Variants in CSMD3 observed in about 807,000 individuals in gnomAD.
CSMD3 encodes the protein CUB and sushi domain-containing protein 3.
A neutral mutation model predicts 435.2 loss-of-function variants in CSMD3; 177 were observed. The observed-to-expected ratio is 0.41, with a 90% CI of 0.36 to 0.46. The LOEUF (loss-of-function observed/expected upper bound fraction) is 0.46, where lower values mean the gene tolerates loss of function less well. Ranked by LOEUF, CSMD3 falls within the 20% of genes least tolerant of loss-of-function variation. The pLI, the probability that CSMD3 is intolerant of heterozygous loss-of-function variation, is 0.34. For synonymous variants in CSMD3, 1,656 were observed against 1,520.5 expected, an observed-to-expected ratio of 1.09 and a Z score of -2.07; for missense variants, 4,265 against 4,504.6, an observed-to-expected ratio of 0.95 and a Z score of 1.52.
At chr8:112,859,310 G>A (rs2129863277) in intron 10 of CSMD3, 44 bp from the exon 11 acceptor site, 1 of 1,541,340 alleles carries the variant, frequency 6.5e-7, no homozygotes, top group Non-Finnish European at 9.0e-7. Flanking sequence ...TATGTCACAT[G>A]TAAAATTACA....
chr8:112,649,183 T>A (rs2075059315), intron 19 of CSMD3, among the ~76,000 whole-genome samples: 1 of 152,230 alleles, frequency 6.6e-6, no homozygotes, highest in African/African-American at 2.4e-5. Flanking sequence ...TTATGCTTCT[T>A]ATTAGCAATG....
chr8:112,832,174 A>C (rs1229902667), intron 11 of CSMD3, among the ~76,000 whole-genome samples: 1 of 152,172 alleles, frequency 6.6e-6, no homozygotes, highest in Non-Finnish European at 1.5e-5. Flanking sequence ...TTGTGAATTG[A>C]CTTTTACAGA....
intron 3 of CSMD3, among the ~76,000 whole-genome samples, chr8:113,219,029 C>T (rs570916331): frequency 1.3e-5 from 2 of 151,280 alleles, no homozygotes; most frequent in Admixed American, 6.6e-5. Context: ...AAACCCAACA[C>T]TCAGTTTAAA....
intron 6 of CSMD3, among the ~76,000 whole-genome samples, chr8:112,999,832 A>G (rs555445696): frequency 6.6e-6 from 1 of 152,152 alleles, no homozygotes; most frequent in Non-Finnish European, 1.5e-5. Flanking sequence ...GAGAAAAAAA[A>G]AGGTCATTTG....
At chr8:112,314,645 T>C (rs764849012) in intron 47 of CSMD3, 28 bp from the exon 48 acceptor site, 2 of 1,541,054 alleles carry the variant, frequency 1.3e-6, no homozygotes, top group Non-Finnish European at 1.8e-6. Flanking sequence ...CATTAAATAA[T>C]GCCAGTCTTT....
At chr8:112,971,868 A>C (rs1384976751) in intron 7 of CSMD3, among the ~76,000 whole-genome samples, 1 of 152,148 alleles carries the variant, frequency 6.6e-6, no homozygotes, top group African/African-American at 2.4e-5. Context: ...AAAAATTTTA[A>C]GATAATTTAA....
At chr8:112,852,601 G>A (rs1310197606) in intron 11 of CSMD3, among the ~76,000 whole-genome samples, 3 of 152,004 alleles carry the variant, frequency 2.0e-5, no homozygotes, top group Admixed American at 1.3e-4. Flanking sequence ...ACACTCACAC[G>A]AGATAGAGTT....
intron 31 of CSMD3, among the ~76,000 whole-genome samples, chr8:112,484,882 C>T (rs372646085): frequency 7.3e-5 from 11 of 151,708 alleles, no homozygotes; most frequent in East Asian, 3.9e-4. Flanking sequence ...TTCCAATATC[C>T]GAAAAAAATC....
intron 1 of CSMD3, among the ~76,000 whole-genome samples, chr8:113,431,729 G>A (rs1169208995): frequency 6.7e-6 from 1 of 150,034 alleles, no homozygotes; most frequent in East Asian, 2.0e-4. Flanking sequence ...TTTTTTTTCC[G>A]CACATGAGTA....
At chr8:112,694,522 G>T (rs1174130338) in intron 13 of CSMD3, among the ~76,000 whole-genome samples, 1 of 151,540 alleles carries the variant, frequency 6.6e-6, no homozygotes, top group African/African-American at 2.4e-5. Flanking sequence ...TTTTTTCTTT[G>T]CTCCATTAAT....
intron 1 of CSMD3, among the ~76,000 whole-genome samples, chr8:113,353,306 A>G (rs915246999): frequency 4.7e-5 from 7 of 150,022 alleles, no homozygotes; most frequent in Non-Finnish European, 7.5e-5. Flanking sequence ...TGGCCTACTC[A>G]TATTTTTTTA....
At chr8:113,165,159 C>T (rs2092125580) in intron 4 of CSMD3, among the ~76,000 whole-genome samples, 1 of 152,152 alleles carries the variant, frequency 6.6e-6, no homozygotes, top group South Asian at 2.1e-4. Flanking sequence ...CTTGGCTAAG[C>T]ATGCCCCATC....
At position 113,139,088 on chromosome 8, in the gene CSMD3, AC is replaced by A. The variant is rs2091486311; in HGVS notation, c.709+34633del. Among the ~76,000 whole-genome samples the A allele has an allele frequency of 2.0e-5, 3 of 150,944 alleles. No homozygotes were observed. The Admixed American group carries it at 2.0e-4, about 10-fold the overall frequency. On this transcript the variant is annotated intron_variant, in intron 4 of 70. Coordinates refer to ENST00000297405, the MANE Select transcript of CSMD3 (RefSeq NM_198123.2). ...AAAGAAGGAATGAGTGAGTTGGAAA[AC>A]AAACAAAAAAAATCACACAATCTGA...
At chr8:112,436,474 AG>A (rs1814363549) in intron 32 of CSMD3, among the ~76,000 whole-genome samples, 1 of 151,874 alleles carries the variant, frequency 6.6e-6, no homozygotes, top group Non-Finnish European at 1.5e-5. Context: ...AAATATTGAT[AG>A]TACTATATAC....
At chr8:112,815,456 G>T (rs1486165194) in intron 12 of CSMD3, among the ~76,000 whole-genome samples, 1 of 152,096 alleles carries the variant, frequency 6.6e-6, no homozygotes, top group Non-Finnish European at 1.5e-5. Context: ...TGTATTCAAA[G>T]TTGGAATATG....
intron 40 of CSMD3, among the ~76,000 whole-genome samples, chr8:112,348,680 T>C (rs1183014853): frequency 1.3e-5 from 2 of 152,118 alleles, no homozygotes; most frequent in Admixed American, 1.3e-4. Flanking sequence ...GCAGATCACC[T>C]GAGGTCAGGA....
chr8:113,375,431 T>C (rs66746527), intron 1 of CSMD3, among the ~76,000 whole-genome samples: 16,982 of 151,998 alleles, frequency 0.11, 986 homozygotes, highest in Middle Eastern at 0.17. Flanking sequence ...ATTTCTCCCC[T>C]TTCCACTGAA....
At chr8:112,700,394 G>A (rs935754156) in intron 13 of CSMD3, among the ~76,000 whole-genome samples, 4 of 151,994 alleles carry the variant, frequency 2.6e-5, no homozygotes, top group Non-Finnish European at 5.9e-5. Flanking sequence ...CCAGCTACTC[G>A]GGAGGTTGAG....
chr8:113,302,169 T>A (rs2093773899), intron 2 of CSMD3, among the ~76,000 whole-genome samples: 1 of 147,092 alleles, frequency 6.8e-6, no homozygotes. Context: ...CTGTTTTTGA[T>A]CTTGAAACAG....
Sources: allele counts gnomAD v4.1 joint callset (sites outside exome capture counted in the v4.1 genomes callset), GRCh38; gene constraint gnomAD v4.1.1; transcripts MANE v1.5; gene names NCBI Gene and HGNC (gene_info 2026-07-23, HGNC 2026-07-21).